The following APH1B variants were observed in gnomAD, a reference collection of about 807,000 sequenced individuals.
APH1B encodes aph-1B gamma-secretase subunit, also known as gamma-secretase subunit APH-1B.
A neutral mutation model predicts 28.2 loss-of-function variants in APH1B; 27 were observed. The observed-to-expected ratio is 0.96, with a 90% CI of 0.70 to 1.32. The LOEUF is 1.32. APH1B is among the 40% of genes most tolerant of loss of function. The pLI, the probability that APH1B is intolerant of heterozygous loss-of-function variation, is 0.00. For synonymous variants in APH1B, 141 were observed against 124.6 expected (o/e 1.13, Z -0.88); for missense variants, 305 against 313.6 (o/e 0.97, Z 0.21).
At chr15:63,302,535 A>G in intron 5 of APH1B, 63 bp downstream of exon 5, 1 of 1,554,890 alleles carries the variant, frequency 6.4e-7, no homozygotes, top group Non-Finnish European at 8.7e-7. Flanking sequence ...CTAAAATGGT[A>G]AATTCTACTC....
intron 5 of APH1B, among the ~76,000 whole-genome samples, chr15:63,303,786 C>T (rs1238178632): frequency 6.6e-6 from 1 of 152,020 alleles, no homozygotes; most frequent in Non-Finnish European, 1.5e-5. Context: ...AGCCACCACC[C>T]CTGGCTTTCT....
At position 63,295,673 on chromosome 15, in the gene APH1B, G is replaced by A. The variant is rs187002326; in HGVS notation, c.479-6672G>A. 1.5e-3 allele frequency among the ~76,000 whole-genome samples: 225 copies of A among 152,292 alleles called. 4 individuals carry two copies. The highest frequency in any genetic ancestry group is 0.013 in the Admixed American group (202 of 15,296). ...GGCCTCTGTCCACTAGATGCCAGAA[G>A]CACCCCTGTCCCCCAGTTGTGATAA... On this transcript the variant is annotated intron_variant, in intron 4 of 5. Transcript: ENST00000261879.
intron 2 of APH1B, among the ~76,000 whole-genome samples, chr15:63,283,003 A>T (rs1344561891): frequency 6.6e-6 from 1 of 152,180 alleles, no homozygotes. Flanking sequence ...ATAATAATAA[A>T]TGCAAACAAA....
intron 3 of APH1B, 125 bp from the exon 4 acceptor site, chr15:63,287,299 C>A (rs1257061294): frequency 3.8e-6 from 5 of 1,327,240 alleles, no homozygotes; most frequent in Non-Finnish European, 2.1e-6. Context: ...AGCCAGCTGT[C>A]CACTGCTTCA....
Position 63,286,759 on chromosome 15 carries a change from TG to T in APH1B, c.355+132del. ...GCCTTGGCCTATTGGTGTACATATT[TG>T]CTTATTATCCCCGTCTTCCAGGTTC... On this transcript the variant is annotated intron_variant, in intron 3 of 5. Transcript: ENST00000261879. 5 of 798,108 alleles carry T rather than the reference TG, an allele frequency of 6.3e-6. No homozygotes were observed. In the South Asian group the frequency reaches 1.0e-4, roughly 17 times the overall value. 49.4% of individuals were successfully genotyped at this position (798,108 alleles called of 1,614,324 possible).
intron 2 of APH1B, among the ~76,000 whole-genome samples, chr15:63,285,401 G>A (rs2038434565): frequency 6.6e-6 from 1 of 152,070 alleles, no homozygotes; most frequent in Non-Finnish European, 1.5e-5. Flanking sequence ...AAATGTTTTG[G>A]TTCTTTTGTT....
intron 2 of APH1B, among the ~76,000 whole-genome samples, chr15:63,285,917 GT>G (rs1395676446): frequency 1.3e-5 from 2 of 152,198 alleles, no homozygotes; most frequent in East Asian, 3.8e-4. Flanking sequence ...TATGTAAAAC[GT>G]TTTAGAATCA....
intron 5 of APH1B, among the ~76,000 whole-genome samples, chr15:63,302,819 C>G (rs952044573): frequency 6.6e-6 from 1 of 152,098 alleles, no homozygotes; most frequent in South Asian, 2.1e-4. Flanking sequence ...TCCTAGCTCT[C>G]GTATAACACA....
chr15:63,303,286 A>G (rs1390755202), intron 5 of APH1B, among the ~76,000 whole-genome samples: 2 of 152,206 alleles, frequency 1.3e-5, no homozygotes. Context: ...GAGGGTGACC[A>G]TGACGCTGGC....
At position 63,308,677 on chromosome 15, in the gene APH1B, T is replaced by C. The variant is rs10519204; in HGVS notation, c.*2896T>C. The C allele has an allele frequency of 0.13, 19,744 of 152,282 alleles. 1,843 individuals carry two copies. The highest frequency in any genetic ancestry group is 0.48 in the East Asian group (2,501 of 5,166). 9.4% of individuals were successfully genotyped at this position (152,282 alleles called of 1,614,324 possible). ...GCCCCAGACAGGCGTTAGCATTCAG[T>C]GTGGGCCCTCAGGCAGCCCTGAAGC... On this transcript the variant is annotated 3_prime_UTR_variant, in exon 6 of 6. Coordinates refer to ENST00000261879, the MANE Select transcript of APH1B (RefSeq NM_031301.4).
chr15:63,283,331 CA>C (rs1207183224), intron 2 of APH1B, among the ~76,000 whole-genome samples: 1 of 152,168 alleles, frequency 6.6e-6, no homozygotes, highest in African/African-American at 2.4e-5. Flanking sequence ...GGGGCTCAAG[CA>C]ATCCTCCCAC....
Position 63,277,668 on chromosome 15 carries a change from G to A in APH1B, c.45G>A (p.Gly15=), listed in dbSNP as rs2038338049. 6.2e-7 allele frequency: 1 copy of A among 1,610,086 alleles called. No individual in the cohort carries two copies. Among genetic ancestry groups the A allele is most frequent in the East Asian group, 2.3e-5 (1 of 44,186 alleles). ...VFFGCAFIAF[G]PALALYVFTI... is the part of the protein sequence containing the mutation. ...TCGGCTGCGCCTTCATTGCCTTCGG[G>A]CCTGCGCTCGCCCTTTATGTCTTCA... The change falls in exon 1 of 6, where the codon GGG becomes GGA. Residue 15 remains glycine (G), a synonymous_variant. Coordinates refer to ENST00000261879, the MANE Select transcript of APH1B (RefSeq NM_031301.4).
chr15:63,302,833 G>A (rs1214864484), intron 5 of APH1B, among the ~76,000 whole-genome samples: 2 of 152,020 alleles, frequency 1.3e-5, no homozygotes, highest in African/African-American at 2.4e-5. Context: ...TAACACATGT[G>A]TCCTTGGCTA....
chr15:63,293,929 A>AT (rs879446199), intron 4 of APH1B, among the ~76,000 whole-genome samples: 68 of 144,528 alleles, frequency 4.7e-4, no homozygotes, highest in Middle Eastern at 3.7e-3. Context: ...AACTCAGCTA[A>AT]TTTTTTTTTT....
chr15:63,287,602 T>C (rs2038461918), intron 4 of APH1B, 56 bp downstream of exon 4: 11 of 1,581,268 alleles, frequency 7.0e-6, no homozygotes, highest in East Asian at 2.3e-5. Flanking sequence ...ATCATTCTTA[T>C]TGGGGTTCAC....
At chr15:63,287,670 T>C in intron 4 of APH1B, 124 bp downstream of exon 4, 19 of 1,244,970 alleles carry the variant, frequency 1.5e-5, no homozygotes, top group Non-Finnish European at 2.1e-5. Flanking sequence ...GGCGAAATAC[T>C]CTGAGGCACT....
intron 5 of APH1B, among the ~76,000 whole-genome samples, chr15:63,303,874 A>ACAC (rs374335586): frequency 1.4e-3 from 203 of 145,686 alleles, no homozygotes; most frequent in African/African-American, 4.5e-3. Context: ...ACACACACAC[A>ACAC]ACACACACAC....
chr15:63,285,853 C>T (rs929037284), intron 2 of APH1B, among the ~76,000 whole-genome samples: 11 of 152,208 alleles, frequency 7.2e-5, no homozygotes, highest in East Asian at 1.9e-4. Context: ...CAAGATACAA[C>T]GAAAGTATCA....
chr15:63,305,634 T>C lies in APH1B; in HGVS notation c.627T>C (p.Tyr209=). ...TGCAGACCTTCATAAGTTCTTATTA[T>C]GGAATAAACCTGGCGTCAGCATTTA... ...VSAQTFISSY[Y]GINLASAFII... Residue 209 remains tyrosine, a synonymous_variant, in exon 6 of 6, where the codon TAT becomes TAC. Transcript: ENST00000261879. 1 of 1,614,218 alleles carries C rather than the reference T, an allele frequency of 6.2e-7. No homozygotes were observed. Among genetic ancestry groups the C allele is most frequent in the Non-Finnish European group, 8.5e-7 (1 of 1,180,040 alleles).
Sources: allele counts gnomAD v4.1 joint callset (sites outside exome capture counted in the v4.1 genomes callset), GRCh38; gene constraint gnomAD v4.1.1; transcripts MANE v1.5; gene names NCBI Gene and HGNC (gene_info 2026-07-23, HGNC 2026-07-21).